RIMS1: variants seen among roughly 807,000 people sequenced by gnomAD.
The protein encoded by RIMS1 is regulating synaptic membrane exocytosis 1, also known as regulating synaptic membrane exocytosis protein 1.
Under a neutral mutation model 214.1 loss-of-function variants are expected in RIMS1, and 83 were observed. That is an observed-to-expected ratio of 0.39 (90% CI 0.32 to 0.47). The LOEUF (loss-of-function observed/expected upper bound fraction) is 0.47, where lower values mean the gene tolerates loss of function less well. RIMS1 is among the 20% of genes least tolerant of loss of function. The probability of loss-of-function intolerance (pLI) is 0.99; values close to 1 mark genes in which losing one functional copy is unlikely to be tolerated. For missense variants in RIMS1, 2,050 were observed against 2,161.8 expected, an observed-to-expected ratio of 0.95 and a Z score of 1.03; for synonymous variants, 793 against 786.8, an observed-to-expected ratio of 1.01 and a Z score of -0.13.
chr6:72,010,030 A>G (rs940222166), intron 2 of RIMS1, among the ~76,000 whole-genome samples: 1 of 152,218 alleles, frequency 6.6e-6, no homozygotes, highest in Non-Finnish European at 1.5e-5. Context: ...AACAACAAAA[A>G]AGAGAATTTT....
intron 1 of RIMS1, among the ~76,000 whole-genome samples, chr6:71,901,426 C>T (rs1773566597): frequency 6.6e-6 from 1 of 152,054 alleles, no homozygotes; most frequent in African/African-American, 2.4e-5. Context: ...ATTCACTATT[C>T]CACAATAAAC....
chr6:71,983,789 AGTACAAATAT>A (rs994166126), intron 2 of RIMS1, among the ~76,000 whole-genome samples: 9 of 152,230 alleles, frequency 5.9e-5, no homozygotes, highest in African/African-American at 2.2e-4. Context: ...ATAAATTTTA[AGTACAAATAT>A]GAAGAAGCTA....
intron 4 of RIMS1, among the ~76,000 whole-genome samples, chr6:72,153,911 A>C (rs2153908243): frequency 6.6e-6 from 1 of 152,348 alleles, no homozygotes; most frequent in East Asian, 1.9e-4. Context: ...GAAATGTATA[A>C]GGCATGAAAA....
rs561283637 is a variant in RIMS1, at chr6:72,094,535, A to G, written c.246-2414A>G. Among the ~76,000 whole-genome samples, 4 of 152,326 alleles carry G rather than the reference A, an allele frequency of 2.6e-5. No individual in the cohort carries two copies. In the South Asian group the frequency reaches 8.3e-4, roughly 32 times the overall value. On this transcript the variant is annotated intron_variant, in intron 2 of 33. Transcript: ENST00000521978. ...AGCATAAAGCACGTACTAATGAGGA[A>G]TTGACAAACTGCTGTATGGGCAAAA...
chr6:72,310,656 A>G (rs774877592), intron 27 of RIMS1, among the ~76,000 whole-genome samples: 8 of 152,078 alleles, frequency 5.3e-5, no homozygotes, highest in Non-Finnish European at 8.8e-5. Flanking sequence ...TGCCCTCTGT[A>G]GGATCGGTAG....
chr6:72,007,618 G>T (rs1011640878), intron 2 of RIMS1, among the ~76,000 whole-genome samples: 1 of 152,194 alleles, frequency 6.6e-6, no homozygotes, highest in African/African-American at 2.4e-5. Context: ...CCAATGCAAA[G>T]AAGTCCTTAA....
At chr6:72,290,977 C>CT (rs1256373294) in intron 25 of RIMS1, 116 bp downstream of exon 25, 15 of 885,134 alleles carry the variant, frequency 1.7e-5, no homozygotes, top group Non-Finnish European at 8.6e-6. Context: ...ACTTTTAATC[C>CT]TTTCTTTGTG....
intron 29 of RIMS1, among the ~76,000 whole-genome samples, chr6:72,371,618 A>G (rs1564619918): frequency 6.6e-6 from 1 of 152,244 alleles, no homozygotes; most frequent in Non-Finnish European, 1.5e-5. Context: ...ATCAGGAATC[A>G]GTTGAAGGCC....
chr6:72,281,641 C>T (rs1311248272), intron 23 of RIMS1, among the ~76,000 whole-genome samples: 2 of 151,942 alleles, frequency 1.3e-5, no homozygotes, highest in African/African-American at 2.4e-5. Flanking sequence ...CTCTCTTGAC[C>T]CCTGCCTTCT....
At chr6:72,204,412 T>C (rs2052559296) in intron 6 of RIMS1, among the ~76,000 whole-genome samples, 1 of 152,208 alleles carries the variant, frequency 6.6e-6, no homozygotes, top group Non-Finnish European at 1.5e-5. Context: ...CAGTGTCTTG[T>C]GTCTTGACAC....
At chr6:72,241,825 A>G (rs1287366384) in intron 9 of RIMS1, among the ~76,000 whole-genome samples, 1 of 152,194 alleles carries the variant, frequency 6.6e-6, no homozygotes, top group Non-Finnish European at 1.5e-5. Flanking sequence ...CTGAAGCATG[A>G]CTTGTAATTG....
Position 72,265,054 on chromosome 6 carries a change from T to C in RIMS1, c.3194+2T>C. On this transcript the variant is annotated splice_donor_variant, in intron 20 of 33. Transcript: ENST00000521978. LOFTEE classifies it high-confidence loss of function. Reference sequence around the variant, plus strand: ...CAGTTCTCACTGGAATATTTACAGGTAAGAGCCCTAACAGTGAGTCCCACC... The same window carrying C: ...CAGTTCTCACTGGAATATTTACAGGCAAGAGCCCTAACAGTGAGTCCCACC... The C allele has an allele frequency of 1.3e-6, 2 of 1,562,764 alleles. No homozygotes were observed. The highest frequency in any genetic ancestry group is 1.8e-6 in the Non-Finnish European group (2 of 1,142,606).
At chr6:72,032,531 G>C (rs1032973098) in intron 2 of RIMS1, among the ~76,000 whole-genome samples, 9 of 152,012 alleles carry the variant, frequency 5.9e-5, no homozygotes, top group African/African-American at 2.2e-4. Flanking sequence ...TATTCATGAG[G>C]GTTTGTTTAA....
At chr6:72,321,034 G>GATT (rs2096128079) in intron 28 of RIMS1, among the ~76,000 whole-genome samples, 1 of 151,838 alleles carries the variant, frequency 6.6e-6, no homozygotes, top group African/African-American at 2.4e-5. Context: ...AACCAAGTGC[G>GATT]GATTGATTGA....
chr6:71,911,349 G>T (rs1005418671), intron 1 of RIMS1, among the ~76,000 whole-genome samples: 3 of 152,020 alleles, frequency 2.0e-5, no homozygotes, highest in Non-Finnish European at 4.4e-5. Flanking sequence ...GCTGATTTAG[G>T]GTAAATACTT....
intron 2 of RIMS1, among the ~76,000 whole-genome samples, chr6:71,976,378 T>A (rs1241536745): frequency 6.6e-6 from 1 of 152,134 alleles, no homozygotes; most frequent in Non-Finnish European, 1.5e-5. Flanking sequence ...TATCAAAATA[T>A]TTTCTTCCGT....
At chr6:72,273,157 G>T (rs886605234) in intron 22 of RIMS1, among the ~76,000 whole-genome samples, 5 of 152,048 alleles carry the variant, frequency 3.3e-5, no homozygotes, top group African/African-American at 1.2e-4. Flanking sequence ...TTTCAGAATT[G>T]AGTATCTGAT....
chr6:72,126,625 T>C (rs1230985500), intron 4 of RIMS1: 1 of 220,844 alleles, frequency 4.5e-6, no homozygotes, highest in Non-Finnish European at 9.3e-6. Flanking sequence ...AGAATGTGAA[T>C]AGACAGTTCT....
At chr6:71,983,082 C>T (rs1798899093) in intron 2 of RIMS1, among the ~76,000 whole-genome samples, 1 of 152,116 alleles carries the variant, frequency 6.6e-6, no homozygotes, top group African/African-American at 2.4e-5. Context: ...ACTCAAGTCT[C>T]TGCTCCAAAA....
Sources: gnomAD v4.1 joint callset for allele counts (sites outside exome capture counted in the v4.1 genomes callset) on GRCh38, gnomAD v4.1.1 for gene constraint, MANE v1.5 for transcripts, NCBI Gene and HGNC (gene_info 2026-07-23, HGNC 2026-07-21) for gene names.